Variants in ELAVL4 observed in about 807,000 individuals in gnomAD.
ELAVL4 encodes the protein ELAV-like protein 4.
In ELAVL4, 1 loss-of-function variant was observed where a neutral mutation model predicts 35.6. The ratio of observed to expected loss-of-function variants is 0.03; its 90% CI spans 0.01 to 0.13. The LOEUF is 0.13. Ranked by LOEUF, ELAVL4 falls within the 10% of genes least tolerant of loss-of-function variation. The pLI is 1.00. For missense variants in ELAVL4, 267 were observed against 464.9 expected (o/e 0.57, Z 3.91); for synonymous variants, 156 against 171.0 (o/e 0.91, Z 0.69).
At chr1:50,073,289 G>T (rs1664614210) in intron 1 of ELAVL4, among the ~76,000 whole-genome samples, 1 of 152,128 alleles carries the variant, frequency 6.6e-6, no homozygotes, top group Admixed American at 6.5e-5. Flanking sequence ...TCCCTCTTCT[G>T]TATCTTTAAA....
intron 3 of ELAVL4, 44 bp from the exon 4 acceptor site, chr1:50,193,721 G>A: frequency 6.3e-7 from 1 of 1,592,802 alleles, no homozygotes; most frequent in South Asian, 1.1e-5. Context: ...CTACTCTGAG[G>A]GTGATTGCCT....
At chr1:50,117,373 C>T (rs1212696229) in intron 1 of ELAVL4, among the ~76,000 whole-genome samples, 1 of 152,124 alleles carries the variant, frequency 6.6e-6, no homozygotes, top group African/African-American at 2.4e-5. Context: ...GACCAGAGAA[C>T]CGTGAGTCTG....
At chr1:50,199,629 A>C (rs1644278875) in intron 6 of ELAVL4, among the ~76,000 whole-genome samples, 1 of 151,644 alleles carries the variant, frequency 6.6e-6, no homozygotes, top group Non-Finnish European at 1.5e-5. Flanking sequence ...AATCACTTGA[A>C]CCCGGGAGGC....
At chr1:50,143,917 T>C (rs1394189043) in intron 1 of ELAVL4, among the ~76,000 whole-genome samples, 1 of 152,190 alleles carries the variant, frequency 6.6e-6, no homozygotes, top group Non-Finnish European at 1.5e-5. Flanking sequence ...TTTGCAATTC[T>C]CCATGTTTGT....
intron 1 of ELAVL4, among the ~76,000 whole-genome samples, chr1:50,128,527 T>C (rs1452782792): frequency 6.6e-6 from 1 of 152,106 alleles, no homozygotes; most frequent in African/African-American, 2.4e-5. Flanking sequence ...GTCGCAGTCC[T>C]CAAGGAGCTC....
chr1:50,193,142 G>A (rs546265524), intron 3 of ELAVL4, among the ~76,000 whole-genome samples: 7 of 152,218 alleles, frequency 4.6e-5, no homozygotes, highest in Non-Finnish European at 8.8e-5. Context: ...GTGACGACAA[G>A]GTCACATATC....
intron 1 of ELAVL4, among the ~76,000 whole-genome samples, chr1:50,134,892 G>A (rs1214726403): frequency 6.6e-6 from 1 of 152,086 alleles, no homozygotes; most frequent in African/African-American, 2.4e-5. Context: ...GGCCCAAAAT[G>A]AAGCTCTAAA....
At chr1:50,176,754 C>T (rs1335364426) in intron 2 of ELAVL4, among the ~76,000 whole-genome samples, 1 of 152,236 alleles carries the variant, frequency 6.6e-6, no homozygotes, top group Non-Finnish European at 1.5e-5. Flanking sequence ...TGACAAACCA[C>T]ACCTGTTCTC....
At position 50,201,280 on chromosome 1, in the gene ELAVL4, C is replaced by A; in HGVS notation, c.*102C>A. 2.2e-6 allele frequency: 3 copies of A among 1,350,816 alleles called. No individual in the cohort carries two copies. Among genetic ancestry groups the A allele is most frequent in the East Asian group, 2.6e-5 (1 of 37,954 alleles). 83.7% of individuals were successfully genotyped at this position (1,350,816 alleles called of 1,614,324 possible). A position where few individuals can be genotyped will look rare whatever the true frequency, so the allele number is the denominator to read the frequency against. ...ACGAAAGAGAGAGAAACAAACTTTTCAAGGCTTATATTCAACCATGGACTT... is the reference window on the plus strand; with the variant it reads ...ACGAAAGAGAGAGAAACAAACTTTTAAAGGCTTATATTCAACCATGGACTT... On this transcript the variant is annotated 3_prime_UTR_variant, in exon 7 of 7. Coordinates refer to ENST00000371824, the MANE Select transcript of ELAVL4 (RefSeq NM_001144774.3). This position sits in a 1 kb window ranked among gnomAD's most constrained non-coding sequence, Gnocchi z 4.3.
intron 1 of ELAVL4, among the ~76,000 whole-genome samples, chr1:50,081,617 G>A (rs1665009499): frequency 6.6e-6 from 1 of 152,198 alleles, no homozygotes; most frequent in African/African-American, 2.4e-5. Flanking sequence ...CAGTGGGGAT[G>A]GGTTTTATAG....
chr1:50,147,589 G>A (rs940554675), intron 2 of ELAVL4, among the ~76,000 whole-genome samples: 2 of 152,128 alleles, frequency 1.3e-5, no homozygotes, highest in African/African-American at 4.8e-5. Flanking sequence ...GAAGAGGTGA[G>A]GTATATCACA....
chr1:50,059,960 G>A (rs1290052347), intron 1 of ELAVL4, among the ~76,000 whole-genome samples: 2 of 152,216 alleles, frequency 1.3e-5, no homozygotes, highest in East Asian at 3.9e-4. Flanking sequence ...GGGGTGAATG[G>A]GGAAAAACTG....
At chr1:50,090,596 C>T (rs1351064982) in intron 1 of ELAVL4, among the ~76,000 whole-genome samples, 1 of 152,142 alleles carries the variant, frequency 6.6e-6, no homozygotes, top group Non-Finnish European at 1.5e-5. Flanking sequence ...CCATAGGATG[C>T]TATACTCCAC....
chr1:50,057,775 C>G (rs139715399), intron 1 of ELAVL4, among the ~76,000 whole-genome samples: 6 of 152,238 alleles, frequency 3.9e-5, no homozygotes, highest in Middle Eastern at 3.4e-3. Context: ...AATTGCCTGA[C>G]GTATTTCTCA....
chr1:50,157,365 T>G (rs1251726395), intron 2 of ELAVL4, among the ~76,000 whole-genome samples: 5 of 152,196 alleles, frequency 3.3e-5, no homozygotes, highest in Non-Finnish European at 7.3e-5. Flanking sequence ...ATTACTGTGG[T>G]CACCTATAAG....
Position 50,201,230 on chromosome 1 carries a change from C to T in ELAVL4, c.*52C>T. On this transcript the variant is annotated 3_prime_UTR_variant, in exon 7 of 7. Coordinates refer to ENST00000371824, the MANE Select transcript of ELAVL4 (RefSeq NM_001144774.3). This position sits in a 1 kb window ranked among gnomAD's most constrained non-coding sequence, Gnocchi z 4.3. Reference sequence around the variant, plus strand: ...TATATAGAAATATATACGAACAAAACACACGCGCGCACACACACACATACA... The same window carrying T: ...TATATAGAAATATATACGAACAAAATACACGCGCGCACACACACACATACA... The T allele has an allele frequency of 6.8e-7, 1 of 1,468,554 alleles. No homozygotes were observed. Among genetic ancestry groups the T allele is most frequent in the Non-Finnish European group, 9.0e-7 (1 of 1,109,558 alleles). 91.0% of individuals were successfully genotyped at this position (1,468,554 alleles called of 1,614,324 possible). A position where few individuals can be genotyped will look rare whatever the true frequency, so the allele number is the denominator to read the frequency against.
At chr1:50,102,398 T>C (rs1371251757), upstream of ELAVL4, among the ~76,000 whole-genome samples, 2 of 151,892 alleles carry the variant, frequency 1.3e-5, no homozygotes, top group Non-Finnish European at 2.9e-5. Flanking sequence ...TTAATTTCGT[T>C]ATTTCTTCTT....
chr1:50,051,641 T>A (rs1663390421), intron 1 of ELAVL4, among the ~76,000 whole-genome samples: 1 of 152,192 alleles, frequency 6.6e-6, no homozygotes, highest in Admixed American at 6.5e-5. Flanking sequence ...ATATCTTACT[T>A]AATGTGGAAT....
At chr1:50,160,859 A>G (rs1676678285) in intron 2 of ELAVL4, among the ~76,000 whole-genome samples, 1 of 152,214 alleles carries the variant, frequency 6.6e-6, no homozygotes, top group African/African-American at 2.4e-5. Flanking sequence ...CTAAATCCCA[A>G]CATGATATCA....
Sources: allele counts gnomAD v4.1 joint callset (sites outside exome capture counted in the v4.1 genomes callset), GRCh38; gene constraint gnomAD v4.1.1; non-coding constraint Gnocchi (gnomAD v3.1); transcripts MANE v1.5; gene names NCBI Gene and HGNC (gene_info 2026-07-23, HGNC 2026-07-21).